Variants in STOX2 observed in about 807,000 individuals in gnomAD.
STOX2 encodes storkhead box 2.
In STOX2, 28 loss-of-function variants were observed where a neutral mutation model predicts 60.9. The ratio of observed to expected loss-of-function variants is 0.46; its 90% CI spans 0.34 to 0.63. STOX2 has a LOEUF of 0.63. STOX2 is among the 30% of genes least tolerant of loss of function. The probability of loss-of-function intolerance (pLI) is 0.01; values close to 1 mark genes in which losing one functional copy is unlikely to be tolerated. For synonymous variants in STOX2, 472 were observed against 463.9 expected, an observed-to-expected ratio of 1.02 and a Z score of -0.22; for missense variants, 1,024 against 1,187.7, an observed-to-expected ratio of 0.86 and a Z score of 2.03.
chr4:183,807,119 A>G (rs7688208), intron 1 of STOX2, among the ~76,000 whole-genome samples: 2 of 151,884 alleles, frequency 1.3e-5, no homozygotes, highest in Non-Finnish European at 2.9e-5. Flanking sequence ...ACTGCAGGCG[A>G]CCACCACCAC....
At chr4:183,957,852 T>G (rs1223618657) in intron 1 of STOX2, among the ~76,000 whole-genome samples, 1 of 150,604 alleles carries the variant, frequency 6.6e-6, no homozygotes, top group Non-Finnish European at 1.5e-5. Flanking sequence ...GCACCCTGGT[T>G]TCTTTCAGGG....
rs1740285242 is a variant in STOX2 at position 183,856,297 on chromosome 4, CA to C, written c.364+58243del. On this transcript the variant is annotated intron_variant, in intron 1 of 2. Coordinates refer to the STOX2 transcript ENST00000513034. This position sits in a 1 kb window ranked among gnomAD's most constrained non-coding sequence, Gnocchi z 4.0. ...GCCTATGAACTAAAAAAATCTGCAC[CA>C]TTAATTAAAGAAATGGCATGGGCTA... is the stretch of plus-strand genomic sequence containing the variant. 6.6e-6 allele frequency among the ~76,000 whole-genome samples: 1 copy of C among 152,058 alleles called. No homozygotes were observed. Among genetic ancestry groups the C allele is most frequent in the African/African-American group, 2.4e-5 (1 of 41,374 alleles).
At chr4:183,873,090 G>A (rs1022352123) in intron 1 of STOX2, among the ~76,000 whole-genome samples, 2 of 152,126 alleles carry the variant, frequency 1.3e-5, no homozygotes, top group African/African-American at 4.8e-5. Flanking sequence ...TTCCCTGCAT[G>A]TTATGTCCTG....
intron 1 of STOX2, among the ~76,000 whole-genome samples, chr4:183,953,750 G>C (rs962937086): frequency 1.3e-5 from 2 of 152,016 alleles, no homozygotes; most frequent in African/African-American, 4.8e-5. Flanking sequence ...CTTTTTAGTA[G>C]AGACGGGATT....
intron 1 of STOX2, among the ~76,000 whole-genome samples, chr4:183,860,219 T>G (rs1740399114): frequency 6.6e-6 from 1 of 152,082 alleles, no homozygotes; most frequent in Admixed American, 6.6e-5. Flanking sequence ...TAGAACATAG[T>G]GCTTTAAACT....
intron 1 of STOX2, among the ~76,000 whole-genome samples, chr4:183,895,795 G>A (rs1741326999): frequency 1.3e-5 from 2 of 152,186 alleles, no homozygotes; most frequent in African/African-American, 2.4e-5. Context: ...ACACCGCCAG[G>A]GAAGCAGACA....
rs534794826 is a variant in STOX2, at chr4:183,800,383, G to C, written c.364+2328G>C. ...TGCTCTGAAAAGCGTGATGTTATAGGAATAGCCTAGAATCGATCTACTGCT... is the reference window on the plus strand; with the variant it reads ...TGCTCTGAAAAGCGTGATGTTATAGCAATAGCCTAGAATCGATCTACTGCT... On this transcript the variant is annotated intron_variant, in intron 1 of 2. Transcript: ENST00000513034. Among the ~76,000 whole-genome samples, 5 of 152,274 alleles carry C rather than the reference G, an allele frequency of 3.3e-5. No individual in the cohort carries two copies. The South Asian group carries it at 6.2e-4, about 19-fold the overall frequency.
At chr4:183,938,671 A>G (rs1045016579) in intron 1 of STOX2, among the ~76,000 whole-genome samples, 20 of 12,818 alleles carry the variant, frequency 1.6e-3, no homozygotes, top group African/African-American at 3.3e-3. Context: ...TCCGTCTCCA[A>G]AAAAAAAAAA....
chr4:183,805,117 T>C (rs899618102), intron 1 of STOX2, among the ~76,000 whole-genome samples: 1 of 152,206 alleles, frequency 6.6e-6, no homozygotes, highest in Non-Finnish European at 1.5e-5. Flanking sequence ...TACAAACTAT[T>C]TGCTGCAAGG....
chr4:183,868,915 T>C (rs1382477725), intron 1 of STOX2, among the ~76,000 whole-genome samples: 1 of 152,234 alleles, frequency 6.6e-6, no homozygotes, highest in East Asian at 1.9e-4. Context: ...AATATGTCTT[T>C]AATACAATAC....
upstream of STOX2, among the ~76,000 whole-genome samples, chr4:183,903,054 T>TA (rs1253432954): frequency 6.6e-6 from 1 of 152,262 alleles, no homozygotes; most frequent in Non-Finnish European, 1.5e-5. Context: ...AGAAAATTCT[T>TA]AGTCAATCTC....
chr4:183,807,871 C>A (rs1376307190), intron 1 of STOX2, among the ~76,000 whole-genome samples: 2 of 152,178 alleles, frequency 1.3e-5, no homozygotes, highest in African/African-American at 2.4e-5. Flanking sequence ...GCCTGCTGTC[C>A]GTGAGGCTGC....
At chr4:183,851,187 A>G (rs1560845539) in intron 1 of STOX2, among the ~76,000 whole-genome samples, 2 of 64,880 alleles carry the variant, frequency 3.1e-5, no homozygotes, top group African/African-American at 1.1e-4. Context: ...AAAGGATGAG[A>G]AAAAGAATGA....
chr4:183,967,314 C>G (rs535624549), intron 1 of STOX2, among the ~76,000 whole-genome samples: 1 of 149,898 alleles, frequency 6.7e-6, no homozygotes, highest in Non-Finnish European at 1.5e-5. Flanking sequence ...TGCAGTGAGC[C>G]GAGATTGTGC....
chr4:184,017,392 G>A lies in STOX2; in HGVS notation c.*108G>A, dbSNP rs769896451. 4.2e-6 allele frequency: 5 copies of A among 1,176,518 alleles called. No individual in the cohort carries two copies. Among genetic ancestry groups the A allele is most frequent in the Non-Finnish European group, 5.9e-6 (5 of 854,148 alleles). 72.9% of individuals were successfully genotyped at this position (1,176,518 alleles called of 1,614,324 possible). A position where few individuals can be genotyped will look rare whatever the true frequency, so the allele number is the denominator to read the frequency against. On this transcript the variant is annotated 3_prime_UTR_variant, in exon 4 of 4. Coordinates refer to ENST00000308497, the MANE Select transcript of STOX2 (RefSeq NM_020225.3). ...GACAAGCATCTCAACCACAGTTTTT[G>A]TGTTTACTTAAACTGTGCTGCTAAG...
At chr4:183,972,904 G>T (rs1421717605) in intron 1 of STOX2, among the ~76,000 whole-genome samples, 2 of 152,158 alleles carry the variant, frequency 1.3e-5, no homozygotes, top group African/African-American at 4.8e-5. Flanking sequence ...ATTATGTAAT[G>T]CAGAAGTGAG....
chr4:183,842,703 G>C (rs1426105046), intron 1 of STOX2, among the ~76,000 whole-genome samples: 1 of 152,180 alleles, frequency 6.6e-6, no homozygotes, highest in Non-Finnish European at 1.5e-5. Context: ...AAATAGGGCT[G>C]ATTGGTTTTC....
intron 1 of STOX2, among the ~76,000 whole-genome samples, chr4:183,822,733 C>A (rs1252466515): frequency 2.0e-5 from 3 of 152,210 alleles, no homozygotes; most frequent in Non-Finnish European, 4.4e-5. Context: ...TCTGTGCAGC[C>A]CAGTTCCTAA....
chr4:183,901,724 G>A (rs571116492), upstream of STOX2, among the ~76,000 whole-genome samples: 1 of 151,382 alleles, frequency 6.6e-6, no homozygotes, highest in Admixed American at 6.6e-5. Context: ...CTGGCCATTT[G>A]GATATGTTCT....
Sources: gnomAD v4.1 joint callset for allele counts (sites outside exome capture counted in the v4.1 genomes callset) on GRCh38, gnomAD v4.1.1 for gene constraint, Gnocchi (gnomAD v3.1) non-coding constraint, MANE v1.5 for transcripts, NCBI Gene and HGNC (gene_info 2026-07-23, HGNC 2026-07-21) for gene names.